Variants in GPAM observed in about 807,000 individuals in gnomAD.
GPAM encodes the protein glycerol-3-phosphate acyltransferase 1, mitochondrial.
Under a neutral mutation model 105.0 loss-of-function variants are expected in GPAM, and 56 were observed. The ratio of observed to expected loss-of-function variants is 0.53; its 90% CI spans 0.43 to 0.67. The LOEUF is 0.67. Ranked by LOEUF, GPAM falls within the 30% of genes least tolerant of loss-of-function variation. GPAM has a pLI of 0.00. For missense variants in GPAM, 855 were observed against 989.8 expected, an observed-to-expected ratio of 0.86 and a Z score of 1.83; for synonymous variants, 368 against 354.4, an observed-to-expected ratio of 1.04 and a Z score of -0.43.
At chr10:112,174,817 C>T (rs781405263) in intron 6 of GPAM, among the ~76,000 whole-genome samples, 7 of 152,218 alleles carry the variant, frequency 4.6e-5, no homozygotes, top group Non-Finnish European at 1.0e-4. Flanking sequence ...TTATCAACTA[C>T]TCACTCATCC....
chr10:112,150,857 A>G lies in GPAM; in HGVS notation c.*2693T>C, dbSNP rs1291529265. 3.0e-6 allele frequency: 3 copies of G among 984,582 alleles called. No individual in the cohort carries two copies. Among genetic ancestry groups the G allele is most frequent in the African/African-American group, 1.7e-5 (1 of 57,202 alleles). The allele number at this position is 984,582 out of a possible 1,614,324, so 61.0% of individuals were successfully genotyped here. ...CTTTTCCCCATCCAGGTTACTGGCA[A>G]TTCCACAATTTGGGCTTACATTCAT... On this transcript the variant is annotated 3_prime_UTR_variant, in exon 22 of 22. Coordinates refer to ENST00000348367, the MANE Select transcript of GPAM (RefSeq NM_001244949.2).
the GPAM span, among the ~76,000 whole-genome samples, chr10:112,221,069 A>G: frequency 6.6e-6 from 1 of 152,236 alleles, no homozygotes; most frequent in Non-Finnish European, 1.5e-5. Context: ...GGGAAAATGT[A>G]GTCTCAGTGT....
chr10:112,207,433 A>G (rs529731096), intron 1 of GPAM, among the ~76,000 whole-genome samples: 118 of 152,350 alleles, frequency 7.7e-4, no homozygotes, highest in Non-Finnish European at 1.4e-3. Flanking sequence ...TTGCCCCTGC[A>G]TAAGCAGCCA....
intron 2 of GPAM, among the ~76,000 whole-genome samples, chr10:112,182,137 AGTATCCAAACAAAATAGCTATGAATT>A (rs1265497704): frequency 1.3e-5 from 2 of 152,210 alleles, no homozygotes; most frequent in African/African-American, 2.4e-5. Flanking sequence ...CAAACAAAAT[AGTATCCAAACAAAATAGCTATGAATT>A]GTATCCAAAC....
rs1402660162 is a variant in GPAM, at chr10:112,200,238, T to TAG, written n.210+14929_210+14930insCT. ...AGTCCACACTATATGTATATATATA[T>TAG]ATATATAGAGAGAGAGAGAGAGAGA... On this transcript the variant is annotated intron_variant and non_coding_transcript_variant, in intron 1 of 3. Transcript: ENST00000480130. Among the ~76,000 whole-genome samples, 20 of 129,784 alleles carry TAG rather than the reference T, an allele frequency of 1.5e-4. 1 individual carries two copies. Among genetic ancestry groups the TAG allele is most frequent in the East Asian group, 7.7e-4 (3 of 3,920 alleles). The allele number at this position is 129,784 out of a possible 152,430, so 85.1% of individuals were successfully genotyped here. A position where few individuals can be genotyped will look rare whatever the true frequency, so the allele number is the denominator to read the frequency against.
At position 112,150,846 on chromosome 10, in the gene GPAM, G is replaced by C; in HGVS notation, c.*2704C>G. The C allele has an allele frequency of 1.0e-6, 1 of 984,730 alleles. No homozygotes were observed. The highest frequency in any genetic ancestry group is 1.2e-6 in the Non-Finnish European group (1 of 829,356). The allele number at this position is 984,730 out of a possible 1,614,324, so 61.0% of individuals were successfully genotyped here. ...TATGGGAAATGCTTTTCCCCATCCA[G>C]GTTACTGGCAATTCCACAATTTGGG... On this transcript the variant is annotated 3_prime_UTR_variant, in exon 22 of 22. Transcript: ENST00000348367.
chr10:112,154,933 G>A, intron 20 of GPAM: 1 of 568,494 alleles, frequency 1.8e-6, no homozygotes. Context: ...GGAAAGAAAA[G>A]AGGGTGTAGA....
chr10:112,197,943 C>T (rs1847745104), intron 1 of GPAM, among the ~76,000 whole-genome samples: 1 of 152,118 alleles, frequency 6.6e-6, no homozygotes, highest in Admixed American at 6.5e-5. Context: ...GCCATTTACA[C>T]ATGTCAAAAT....
chr10:112,216,219 G>T (rs898726463), upstream of GPAM, among the ~76,000 whole-genome samples: 16 of 152,190 alleles, frequency 1.1e-4, no homozygotes, highest in African/African-American at 3.6e-4. Flanking sequence ...GAACTTAAGG[G>T]GAACCCTCTT....
chr10:112,172,415 A>C, intron 8 of GPAM, 97 bp from the exon 9 acceptor site: 1 of 853,082 alleles, frequency 1.2e-6, no homozygotes. Flanking sequence ...AACACTGGCT[A>C]ATCAGTGACT....
At chr10:112,166,611 G>T in intron 11 of GPAM, 96 bp from the exon 12 acceptor site, 1 of 788,940 alleles carries the variant, frequency 1.3e-6, no homozygotes, top group Non-Finnish European at 2.3e-6. Context: ...TATGGAAACT[G>T]TAAGTTCATC....
intron 4 of GPAM, among the ~76,000 whole-genome samples, chr10:112,178,925 A>C (rs1847456455): frequency 6.6e-6 from 1 of 152,190 alleles, no homozygotes; most frequent in African/African-American, 2.4e-5. Context: ...TTTACATGTG[A>C]TCTTGAAAGA....
At chr10:112,198,525 A>C (rs1036858653) in intron 1 of GPAM, among the ~76,000 whole-genome samples, 1 of 152,188 alleles carries the variant, frequency 6.6e-6, no homozygotes, top group Non-Finnish European at 1.5e-5. Flanking sequence ...CCATTTCAGC[A>C]GTTTCATAAC....
intron 17 of GPAM, 72 bp downstream of exon 17, chr10:112,159,839 A>C (rs1173860513): frequency 1.4e-6 from 2 of 1,465,622 alleles, no homozygotes; most frequent in Non-Finnish European, 1.9e-6. Context: ...TAACAGAAAA[A>C]CACGGGGGGT....
intron 11 of GPAM, 125 bp from the exon 12 acceptor site, chr10:112,166,640 T>C (rs559439822): frequency 1.4e-6 from 1 of 725,392 alleles, no homozygotes; most frequent in Admixed American, 1.9e-5. Context: ...GAACAATGAA[T>C]GAAGAAGGAA....
chr10:112,197,506 C>A (rs1193557149), intron 1 of GPAM, among the ~76,000 whole-genome samples: 1 of 126,230 alleles, frequency 7.9e-6, no homozygotes, highest in African/African-American at 3.0e-5. Context: ...TTTTATTATA[C>A]TTTAAGTTTT....
At chr10:112,203,142 C>T (rs890671577) in intron 1 of GPAM, among the ~76,000 whole-genome samples, 1 of 152,118 alleles carries the variant, frequency 6.6e-6, no homozygotes, top group Non-Finnish European at 1.5e-5. Flanking sequence ...AGCAGTGAAA[C>T]ACTCAGTCTC....
At position 112,154,691 on chromosome 10, in the gene GPAM, AAG is replaced by A. The variant is rs762568693; in HGVS notation, c.2312-6_2312-5del. On this transcript the variant is annotated splice_region_variant and splice_polypyrimidine_tract_variant and intron_variant, in intron 20 of 21. Coordinates refer to ENST00000348367, the MANE Select transcript of GPAM (RefSeq NM_001244949.2). Reference sequence around the variant, plus strand: ...AGACAATATGTGGCACTCTCAGCTGAAGAGAGAGAATAAAACCCTGTCAAATG... The same window carrying A: ...AGACAATATGTGGCACTCTCAGCTGAAGAGAGAATAAAACCCTGTCAAATG... 8.8e-6 allele frequency: 14 copies of A among 1,599,664 alleles called. No individual in the cohort carries two copies. The South Asian group carries it at 9.9e-5, about 11-fold the overall frequency.
At chr10:112,180,413 C>A (rs942470552) in intron 4 of GPAM, 60 bp downstream of exon 4, 2 of 1,569,742 alleles carry the variant, frequency 1.3e-6, no homozygotes, top group African/African-American at 1.4e-5. Context: ...CTGCCTACTA[C>A]AAAGTTGGAA....
Sources: allele counts gnomAD v4.1 joint callset (sites outside exome capture counted in the v4.1 genomes callset), GRCh38; gene constraint gnomAD v4.1.1; transcripts MANE v1.5; gene names NCBI Gene and HGNC (gene_info 2026-07-23, HGNC 2026-07-21).